SLCO1C1: variants seen among roughly 807,000 people sequenced by gnomAD.
SLCO1C1 encodes solute carrier organic anion transporter family member 1C1.
A neutral mutation model predicts 76.4 loss-of-function variants in SLCO1C1; 70 were observed. That is an observed-to-expected ratio of 0.92 (90% CI 0.76 to 1.12). The LOEUF (loss-of-function observed/expected upper bound fraction) is 1.12. Ranked by LOEUF, SLCO1C1 falls within the 50% of genes most tolerant of loss-of-function variation. SLCO1C1 has a pLI of 0.00. For synonymous variants in SLCO1C1, 306 were observed against 286.1 expected, an observed-to-expected ratio of 1.07 and a Z score of -0.70; for missense variants, 912 against 823.8, an observed-to-expected ratio of 1.11 and a Z score of -1.31.
At chr12:20,732,820 G>A in intron 9 of SLCO1C1, 89 bp from the exon 10 acceptor site, 1 of 1,333,752 alleles carries the variant, frequency 7.5e-7, no homozygotes. Flanking sequence ...ATAATTTAAA[G>A]TGACAAAATA....
Position 20,723,125 on chromosome 12 carries a change from C to T in SLCO1C1, c.1057C>T (p.Pro353Ser), listed in dbSNP as rs1361603446. 6.2e-7 allele frequency: 1 copy of T among 1,608,408 alleles called. No individual in the cohort carries two copies. Among genetic ancestry groups the T allele is most frequent in the Non-Finnish European group, 8.5e-7 (1 of 1,178,300 alleles). ...LPSLKNLFGN[P>S]VYFLYLCTST... The stretch of plus-strand genomic sequence containing the variant: ...ATCACTGAAGAATCTTTTTGGAAAC[C>T]CAGTATACTTCCTATATTTATGTAC... The change falls in exon 9 of 15, where the codon CCA (proline) becomes TCA (serine). Residue 353 changes from proline (P) to serine (S), a missense_variant. By Grantham distance (74) the Pro-to-Ser change is moderately conservative. Coordinates refer to ENST00000266509, the MANE Select transcript of SLCO1C1 (RefSeq NM_017435.5).
chr12:20,699,744 G>A, intron 2 of SLCO1C1, 39 bp downstream of exon 2: 1 of 1,571,208 alleles, frequency 6.4e-7, no homozygotes, highest in Non-Finnish European at 8.6e-7. Flanking sequence ...GATGCTCTTA[G>A]TTTTCTGTCC....
chr12:20,705,772 G>T (rs1028696785), intron 3 of SLCO1C1, among the ~76,000 whole-genome samples, 177 bp from the exon 4 acceptor site: 1 of 152,004 alleles, frequency 6.6e-6, no homozygotes, highest in Admixed American at 6.6e-5. Context: ...GGTGATTGAA[G>T]TAATGAACAT....
chr12:20,726,624 A>C (rs558299838), intron 9 of SLCO1C1, among the ~76,000 whole-genome samples: 2 of 152,290 alleles, frequency 1.3e-5, no homozygotes, highest in South Asian at 4.1e-4. Context: ...AATTTTAAAA[A>C]GATTTTTAAT....
intron 10 of SLCO1C1, among the ~76,000 whole-genome samples, chr12:20,734,280 G>C (rs1515764): frequency 0.43 from 64,930 of 152,074 alleles, 17,003 homozygotes; most frequent in South Asian, 0.6. Context: ...TGAATGCAAA[G>C]TTCATAAATT....
At chr12:20,708,741 T>C (rs957556652) in intron 4 of SLCO1C1, among the ~76,000 whole-genome samples, 4 of 151,960 alleles carry the variant, frequency 2.6e-5, no homozygotes, top group African/African-American at 9.7e-5. Flanking sequence ...GCACAGAAGA[T>C]GAATGCTGAG....
chr12:20,715,554 A>G (rs1008024562), intron 6 of SLCO1C1, among the ~76,000 whole-genome samples: 13 of 152,214 alleles, frequency 8.5e-5, no homozygotes, highest in Admixed American at 3.9e-4. Context: ...TTGTGAAAGT[A>G]TCTTCATGGG....
At chr12:20,730,429 T>C (rs1375573824) in intron 9 of SLCO1C1, among the ~76,000 whole-genome samples, 1 of 152,206 alleles carries the variant, frequency 6.6e-6, no homozygotes, top group African/African-American at 2.4e-5. Flanking sequence ...CTTCCACATT[T>C]TAAAAAATCA....
chr12:20,705,975 A>G lies in SLCO1C1; in HGVS notation c.298A>G (p.Ser100Gly). 1 of 1,613,314 alleles carries G rather than the reference A, an allele frequency of 6.2e-7. No homozygotes were observed. Among genetic ancestry groups the G allele is most frequent in the Non-Finnish European group, 8.5e-7 (1 of 1,179,394 alleles). ...IGNLLVITFV[S>G]YFGAKLHRPK... is the part of the protein sequence containing the mutation. The stretch of plus-strand genomic sequence containing the variant: ...GAATCTCTTAGTTATAACATTTGTT[A>G]GCTACTTTGGAGCCAAACTTCACAG... The change falls in exon 4 of 15, where the codon AGC becomes GGC. Residue 100 changes from serine to glycine, a missense_variant. Coordinates refer to ENST00000266509, the MANE Select transcript of SLCO1C1 (RefSeq NM_017435.5).
At chr12:20,724,402 TG>T (rs1947830528) in intron 9 of SLCO1C1, among the ~76,000 whole-genome samples, 2 of 22,614 alleles carry the variant, frequency 8.8e-5, no homozygotes, top group Admixed American at 1.5e-3. Context: ...AATGTGTGTG[TG>T]TGTGTGTGTA....
At chr12:20,706,795 G>A (rs1334977449) in intron 4 of SLCO1C1, among the ~76,000 whole-genome samples, 3 of 152,108 alleles carry the variant, frequency 2.0e-5, no homozygotes, top group Non-Finnish European at 4.4e-5. Context: ...AAACAGGTCA[G>A]CTGACTTCTC....
chr12:20,724,407 GTGTGTATATATATATATATATATA>G (rs1365480088), intron 9 of SLCO1C1, among the ~76,000 whole-genome samples: 946 of 45,376 alleles, frequency 0.021, 13 homozygotes, highest in African/African-American at 0.069. Context: ...GTGTGTGTGT[GTGTGTATATATATATATATATATA>G]TATATATATA....
At chr12:20,723,420 G>A (rs1947781484) in intron 9 of SLCO1C1, among the ~76,000 whole-genome samples, 166 bp downstream of exon 9, 1 of 152,088 alleles carries the variant, frequency 6.6e-6, no homozygotes, top group Non-Finnish European at 1.5e-5. Context: ...TCACATCTGT[G>A]GGTAAGTAAC....
chr12:20,746,132 C>T (rs1949031447), intron 13 of SLCO1C1, among the ~76,000 whole-genome samples: 1 of 151,990 alleles, frequency 6.6e-6, no homozygotes, highest in East Asian at 1.9e-4. Context: ...GCTATCAAAG[C>T]CTAAGAAGGC....
chr12:20,734,295 C>T (rs2120837264), intron 10 of SLCO1C1, among the ~76,000 whole-genome samples: 1 of 152,274 alleles, frequency 6.6e-6, no homozygotes, highest in African/African-American at 2.4e-5. Context: ...TAAATTACGG[C>T]TTCTGGGAGT....
At chr12:20,706,107 C>CT in intron 4 of SLCO1C1, 26 bp downstream of exon 4, 1 of 1,569,134 alleles carries the variant, frequency 6.4e-7, no homozygotes, top group Non-Finnish European at 8.6e-7. Flanking sequence ...TCATCTTTTC[C>CT]TTGCCTTTCC....
intron 3 of SLCO1C1, among the ~76,000 whole-genome samples, chr12:20,703,184 G>A (rs919775155): frequency 4.6e-5 from 7 of 151,730 alleles, no homozygotes; most frequent in Admixed American, 3.3e-4. Context: ...AAATGACTTC[G>A]CTGAACATAA....
At chr12:20,698,962 C>T (rs1182103873) in intron 1 of SLCO1C1, among the ~76,000 whole-genome samples, 2 of 151,812 alleles carry the variant, frequency 1.3e-5, no homozygotes, top group Non-Finnish European at 2.9e-5. Context: ...GTTCTTTCAC[C>T]TGAATTAAAT....
intron 3 of SLCO1C1, among the ~76,000 whole-genome samples, chr12:20,702,062 G>T (rs73240439): frequency 0.11 from 16,951 of 151,874 alleles, 2,319 homozygotes; most frequent in African/African-American, 0.32. Context: ...TTGAGTCACT[G>T]TTTTAGAAGT....
Sources: allele counts gnomAD v4.1 joint callset (sites outside exome capture counted in the v4.1 genomes callset), GRCh38; gene constraint gnomAD v4.1.1; transcripts MANE v1.5; gene names NCBI Gene and HGNC (gene_info 2026-07-23, HGNC 2026-07-21).